PTPRG: variants seen among roughly 807,000 people sequenced by gnomAD.
PTPRG encodes protein tyrosine phosphatase receptor type G.
In PTPRG, 102 loss-of-function variants were observed where a neutral mutation model predicts 165.3. The ratio of observed to expected loss-of-function variants is 0.62; its 90% CI spans 0.53 to 0.73. The LOEUF (loss-of-function observed/expected upper bound fraction) is 0.73, where lower values mean the gene tolerates loss of function less well. Ranked by LOEUF, PTPRG falls within the 30% of genes least tolerant of loss-of-function variation. The pLI is 0.00. For missense variants in PTPRG, 1,866 were observed against 1,861.4 expected (o/e 1.00, Z -0.05); for synonymous variants, 675 against 669.5 (o/e 1.01, Z -0.13).
intron 2 of PTPRG, among the ~76,000 whole-genome samples, chr3:61,930,041 T>A (rs2039319807): frequency 1.0e-5 from 1 of 96,798 alleles, no homozygotes; most frequent in Non-Finnish European, 2.3e-5. Context: ...TAATGCGGTA[T>A]TTTTTTTTTT....
chr3:61,612,390 A>C (rs186668043), intron 1 of PTPRG, among the ~76,000 whole-genome samples: 1 of 152,178 alleles, frequency 6.6e-6, no homozygotes, highest in Non-Finnish European at 1.5e-5. Context: ...CAGTTGAGCA[A>C]CTGTTCTCTT....
intron 6 of PTPRG, among the ~76,000 whole-genome samples, chr3:62,138,752 T>C (rs1415075840): frequency 6.8e-6 from 1 of 147,842 alleles, no homozygotes; most frequent in Non-Finnish European, 1.5e-5. Flanking sequence ...ACGAAATACA[T>C]GTGCATTATA....
At chr3:62,278,023 G>A (rs1702292487) in intron 26 of PTPRG, among the ~76,000 whole-genome samples, 3 of 152,018 alleles carry the variant, frequency 2.0e-5, no homozygotes, top group Admixed American at 6.6e-5. Flanking sequence ...GTAAATAATT[G>A]TAGCTTACAG....
At chr3:61,602,767 G>A (rs1700905217) in intron 1 of PTPRG, among the ~76,000 whole-genome samples, 1 of 152,108 alleles carries the variant, frequency 6.6e-6, no homozygotes, top group Admixed American at 6.6e-5. Context: ...TTCCTTCCCT[G>A]GGTCACTGCT....
intron 16 of PTPRG, among the ~76,000 whole-genome samples, chr3:62,257,502 T>C (rs564357525): frequency 6.6e-6 from 1 of 152,184 alleles, no homozygotes; most frequent in East Asian, 1.9e-4. Context: ...CTGAGGTAGG[T>C]GTATCTTATT....
chr3:62,273,968 G>C lies in PTPRG; in HGVS notation c.3465+124G>C. On this transcript the variant is annotated intron_variant, in intron 23 of 29. Transcript: ENST00000474889. This position sits in a 1 kb window ranked among gnomAD's most constrained non-coding sequence, Gnocchi z 4.1. ...AAATGGATTACTATTTGTACTCCTT[G>C]TACTCCTTAAATGTGATGAAAAAGA... 1.1e-6 allele frequency: 1 copy of C among 931,072 alleles called. No individual in the cohort carries two copies. The highest frequency in any genetic ancestry group is 1.6e-6 in the Non-Finnish European group (1 of 625,234). 57.7% of individuals were successfully genotyped at this position (931,072 alleles called of 1,614,324 possible). A position where few individuals can be genotyped will look rare whatever the true frequency, so the allele number is the denominator to read the frequency against.
intron 2 of PTPRG, among the ~76,000 whole-genome samples, chr3:61,871,431 T>C (rs1232762570): frequency 6.6e-6 from 1 of 152,142 alleles, no homozygotes; most frequent in African/African-American, 2.4e-5. Flanking sequence ...GGGGTCTTAC[T>C]GGTCTCAAGC....
chr3:62,276,781 G>C, intron 24 of PTPRG, 191 bp from the exon 25 acceptor site: 1 of 562,584 alleles, frequency 1.8e-6, no homozygotes. Flanking sequence ...GTCCTTCTGG[G>C]TATGTGCAGC....
At chr3:61,574,504 T>A (rs746032327) in intron 1 of PTPRG, among the ~76,000 whole-genome samples, 6 of 152,166 alleles carry the variant, frequency 3.9e-5, no homozygotes, top group South Asian at 2.1e-4. Flanking sequence ...TATTTACATG[T>A]GTGTAAAGGT....
chr3:61,889,684 C>T (rs2038154224), intron 2 of PTPRG, among the ~76,000 whole-genome samples: 1 of 152,114 alleles, frequency 6.6e-6, no homozygotes, highest in Admixed American at 6.5e-5. Flanking sequence ...AAAATGGAAT[C>T]TTCCTGTAGG....
chr3:62,109,026 T>G (rs1702574416), intron 5 of PTPRG, among the ~76,000 whole-genome samples: 1 of 152,150 alleles, frequency 6.6e-6, no homozygotes, highest in Non-Finnish European at 1.5e-5. Flanking sequence ...TTTCTTTTGC[T>G]GTACAGAAGC....
At chr3:61,843,345 G>T (rs1255439730) in intron 2 of PTPRG, among the ~76,000 whole-genome samples, 3 of 152,052 alleles carry the variant, frequency 2.0e-5, no homozygotes, top group Non-Finnish European at 4.4e-5. Context: ...TTATTATATT[G>T]TATATATACA....
intron 1 of PTPRG, among the ~76,000 whole-genome samples, chr3:61,643,086 C>T (rs2106957732): frequency 6.6e-6 from 1 of 152,222 alleles, no homozygotes; most frequent in Admixed American, 6.5e-5. Flanking sequence ...CTTTCTTTAA[C>T]AAATAAATTA....
chr3:61,610,769 C>CCCTA (rs1410852962), intron 1 of PTPRG, among the ~76,000 whole-genome samples: 3 of 123,974 alleles, frequency 2.4e-5, no homozygotes, highest in Admixed American at 8.2e-5. Flanking sequence ...CTCCCTCCCT[C>CCCTA]CCTACCTCCC....
At chr3:61,594,786 C>G (rs1700655234) in intron 1 of PTPRG, among the ~76,000 whole-genome samples, 1 of 152,206 alleles carries the variant, frequency 6.6e-6, no homozygotes, top group Non-Finnish European at 1.5e-5. Context: ...GGCAGTCCTG[C>G]TTTCAAGCCT....
chr3:61,679,428 G>A (rs3733094), intron 1 of PTPRG, among the ~76,000 whole-genome samples: 116,830 of 152,092 alleles, frequency 0.77, 45,254 homozygotes, highest in East Asian at 0.91. Context: ...TATAAGTCAC[G>A]GAATGACCCT....
intron 1 of PTPRG, among the ~76,000 whole-genome samples, chr3:61,571,675 T>G (rs1274950255): frequency 6.6e-6 from 1 of 152,190 alleles, no homozygotes; most frequent in Non-Finnish European, 1.5e-5. Context: ...TTACCTAAAT[T>G]GATTTGCTTT....
chr3:61,708,735 G>T (rs1268171739), intron 1 of PTPRG, among the ~76,000 whole-genome samples: 1 of 152,086 alleles, frequency 6.6e-6, no homozygotes, highest in African/African-American at 2.4e-5. Context: ...GGAATTACAG[G>T]CATGAGCCAC....
At chr3:62,261,095 T>C (rs1353418398) in intron 16 of PTPRG, 1 of 151,944 alleles carries the variant, frequency 6.6e-6, no homozygotes, top group Non-Finnish European at 1.5e-5. Flanking sequence ...GGTGGTCAGA[T>C]CTATACAACA....
Sources: gnomAD v4.1 joint callset for allele counts (sites outside exome capture counted in the v4.1 genomes callset) on GRCh38, gnomAD v4.1.1 for gene constraint, Gnocchi (gnomAD v3.1) non-coding constraint, MANE v1.5 for transcripts, NCBI Gene and HGNC (gene_info 2026-07-23, HGNC 2026-07-21) for gene names.